The following NANS variants were observed in gnomAD, a reference collection of about 807,000 sequenced individuals.
The protein encoded by NANS is N-acetylneuraminate-9-phosphate synthase.
A neutral mutation model predicts 33.3 loss-of-function variants in NANS; 29 were observed. That is an observed-to-expected ratio of 0.87 (90% confidence interval 0.65 to 1.19). The LOEUF (loss-of-function observed/expected upper bound fraction) is 1.19, where lower values mean the gene tolerates loss of function less well. Ranked by LOEUF, NANS falls within the 50% of genes most tolerant of loss-of-function variation. NANS has a pLI of 0.00. For synonymous variants in NANS, 163 were observed against 177.2 expected, an observed-to-expected ratio of 0.92 and a Z score of 0.64; for missense variants, 394 against 461.1, an observed-to-expected ratio of 0.85 and a Z score of 1.33.
intron 2 of NANS, among the ~76,000 whole-genome samples, chr9:98,072,413 A>ATT (rs1004255694): frequency 1.3e-4 from 17 of 132,200 alleles, no homozygotes; most frequent in South Asian, 4.9e-4. Flanking sequence ...GGGAAAGTGC[A>ATT]TTTTTTTTTT....
intron 1 of NANS, among the ~76,000 whole-genome samples, chr9:98,057,924 T>TTG (rs1828876528): frequency 7.5e-6 from 1 of 133,684 alleles, no homozygotes; most frequent in Admixed American, 7.6e-5. Flanking sequence ...TTTTCCTGGT[T>TTG]TTTTTTTTTT....
In NANS at chr9:98,082,914, C is replaced by T. The variant is rs199607636; in HGVS notation, c.939C>T (p.Thr313=). 20 of 1,614,056 alleles carry T rather than the reference C, an allele frequency of 1.2e-5. No homozygotes were observed. Among genetic ancestry groups the T allele is most frequent in the Middle Eastern group, 1.6e-4 (1 of 6,062 alleles). The change falls in exon 6 of 6, where the codon ACC becomes ACT. Residue 313 remains threonine, a synonymous_variant. Transcript: ENST00000210444. ...EGTILTMDML[T]VKVGEPKGYP... is the part of the protein sequence containing the mutation. ...CCATTCTAACAATGGACATGCTCACCGTGAAGGTGGGTGAGCCCAAAGGCT... is the reference window on the plus strand; with the variant it reads ...CCATTCTAACAATGGACATGCTCACTGTGAAGGTGGGTGAGCCCAAAGGCT...
intron 2 of NANS, among the ~76,000 whole-genome samples, chr9:98,062,255 C>T (rs963437811): frequency 4.0e-5 from 6 of 151,690 alleles, no homozygotes; most frequent in Admixed American, 3.3e-4. Flanking sequence ...TTCTGGAGTC[C>T]GCTCCTTGCT....
chr9:98,070,440 T>A (rs1478196455), intron 2 of NANS, among the ~76,000 whole-genome samples: 2 of 151,814 alleles, frequency 1.3e-5, no homozygotes, highest in Non-Finnish European at 2.9e-5. Flanking sequence ...TTTTATTTTA[T>A]TTATTTATTT....
intron 2 of NANS, among the ~76,000 whole-genome samples, chr9:98,073,129 G>C (rs550356498): frequency 6.6e-6 from 1 of 152,194 alleles, no homozygotes; most frequent in Non-Finnish European, 1.5e-5. Flanking sequence ...GGCCATCCCA[G>C]CAAAGCCGCC....
chr9:98,077,025 T>C lies in NANS; in HGVS notation c.448+8T>C, dbSNP rs772468304. ...AAAAGACAGCCAAAAAAGGTAAGTG[T>C]CTAATTTTTGACTTAAAATCGAAGG... On this transcript the variant is annotated splice_region_variant and intron_variant, in intron 3 of 5. Coordinates refer to ENST00000210444, the MANE Select transcript of NANS (RefSeq NM_018946.4). 2.5e-6 allele frequency: 4 copies of C among 1,596,404 alleles called. No homozygotes were observed. The highest frequency in any genetic ancestry group is 3.4e-6 in the Non-Finnish European group (4 of 1,169,076).
At chr9:98,065,003 A>G (rs1829094356) in intron 2 of NANS, among the ~76,000 whole-genome samples, 1 of 152,188 alleles carries the variant, frequency 6.6e-6, no homozygotes, top group Non-Finnish European at 1.5e-5. Flanking sequence ...CTGCCCTGCA[A>G]CCTGGGGCAG....
intron 2 of NANS, among the ~76,000 whole-genome samples, chr9:98,065,116 G>A (rs1448632228): frequency 1.3e-5 from 2 of 152,154 alleles, no homozygotes; most frequent in Non-Finnish European, 2.9e-5. Flanking sequence ...AATAGGTCTT[G>A]TAAGTATCAA....
intron 5 of NANS, among the ~76,000 whole-genome samples, 197 bp from the exon 6 acceptor site, chr9:98,082,649 C>CTGAG (rs1731685878): frequency 6.6e-6 from 1 of 152,218 alleles, no homozygotes; most frequent in African/African-American, 2.4e-5. Context: ...GGCTCCTCCT[C>CTGAG]TGAGTCTCTG....
At chr9:98,077,648 C>T (rs546558898) in intron 3 of NANS, among the ~76,000 whole-genome samples, 29 of 152,194 alleles carry the variant, frequency 1.9e-4, no homozygotes, top group Non-Finnish European at 4.0e-4. Flanking sequence ...AGTTTGAGAC[C>T]GCAGTGGGAC....
chr9:98,060,907 A>T lies in NANS; in HGVS notation c.258A>T (p.Arg86=), dbSNP rs1159998088. 10 of 1,614,050 alleles carry T rather than the reference A, an allele frequency of 6.2e-6. No homozygotes were observed. The highest frequency in any genetic ancestry group is 8.5e-6 in the Non-Finnish European group (10 of 1,180,038). ...SWGKTYGEHK[R]HLEFSHDQYR... ...GGAAGACGTACGGGGAGCACAAACG[A>T]CATCTGGAGTTCAGCCATGACCAGT... Residue 86 remains arginine, a synonymous_variant, in exon 2 of 6, where the codon CGA becomes CGT. Coordinates refer to ENST00000210444, the MANE Select transcript of NANS (RefSeq NM_018946.4).
chr9:98,082,457 T>C (rs549536908), intron 5 of NANS, among the ~76,000 whole-genome samples: 4 of 152,322 alleles, frequency 2.6e-5, no homozygotes, highest in East Asian at 3.9e-4. Flanking sequence ...AGAGTTTGCA[T>C]GTATTGAGAG....
At chr9:98,058,800 G>A (rs1828895523) in intron 1 of NANS, among the ~76,000 whole-genome samples, 1 of 152,152 alleles carries the variant, frequency 6.6e-6, no homozygotes, top group Admixed American at 6.5e-5. Flanking sequence ...GCAGCCTTTA[G>A]GAAAGGGATC....
At chr9:98,073,903 C>G (rs1015248627) in intron 2 of NANS, among the ~76,000 whole-genome samples, 2 of 152,148 alleles carry the variant, frequency 1.3e-5, no homozygotes, top group Non-Finnish European at 2.9e-5. Flanking sequence ...CCTCCCACTT[C>G]AGCCTCCTGA....
intron 2 of NANS, among the ~76,000 whole-genome samples, chr9:98,073,473 C>T (rs919183743): frequency 1.3e-5 from 2 of 151,052 alleles, no homozygotes; most frequent in African/African-American, 4.9e-5. Flanking sequence ...TTAGTAGAGG[C>T]GGGGTTTCAC....
At chr9:98,058,954 T>C (rs920030523) in intron 1 of NANS, among the ~76,000 whole-genome samples, 3 of 152,184 alleles carry the variant, frequency 2.0e-5, no homozygotes, top group African/African-American at 7.2e-5. Context: ...AAGTCCTGAC[T>C]CTACCATCTT....
chr9:98,074,757 G>C (rs988563623), intron 2 of NANS: 1 of 152,180 alleles, frequency 6.6e-6, no homozygotes, highest in East Asian at 1.9e-4. Flanking sequence ...CCCTCTCTTG[G>C]GGGGGTTTCT....
rs542172763 is a variant in NANS, at chr9:98,062,562, C to T, written c.348+1565C>T. 2.4e-3 allele frequency among the ~76,000 whole-genome samples: 371 copies of T among 152,188 alleles called. 1 individual carries two copies. The highest frequency in any genetic ancestry group is 4.2e-3 in the Non-Finnish European group (285 of 68,002). On this transcript the variant is annotated intron_variant, in intron 2 of 5. Transcript: ENST00000210444. ...CTATAGCAGTTCTTTTTATATATTT[C>T]CTCCTGAAGTCTTTTTATATTCTTG... is the stretch of plus-strand genomic sequence containing the variant.
intron 2 of NANS, among the ~76,000 whole-genome samples, chr9:98,066,525 TAC>T (rs1377125085): frequency 1.3e-5 from 2 of 152,202 alleles, no homozygotes; most frequent in African/African-American, 4.8e-5. Flanking sequence ...TAGTAATATT[TAC>T]AGAGTTGTGC....
Sources: gnomAD v4.1 joint callset for allele counts (sites outside exome capture counted in the v4.1 genomes callset) on GRCh38, gnomAD v4.1.1 for gene constraint, MANE v1.5 for transcripts, NCBI Gene and HGNC (gene_info 2026-07-23, HGNC 2026-07-21) for gene names.